NBEA: variants seen among roughly 807,000 people sequenced by gnomAD.
The protein encoded by NBEA is neurobeachin, also known as lysosomal-trafficking regulator 2.
In NBEA, 44 loss-of-function variants were observed where a neutral mutation model predicts 343.4. The observed-to-expected ratio is 0.13, with a 90% CI of 0.10 to 0.16. The LOEUF is 0.16. Among genes scored for constraint, NBEA ranks in the 10% least tolerant of loss-of-function variants. The pLI, the probability that NBEA is intolerant of heterozygous loss-of-function variation, is 1.00. For missense variants in NBEA, 2,555 were observed against 3,631.3 expected (o/e 0.70, Z 7.62); for synonymous variants, 1,175 against 1,238.7 (o/e 0.95, Z 1.08).
At chr13:35,173,319 G>T in intron 26 of NBEA, 145 bp from the exon 27 acceptor site, 1 of 666,136 alleles carries the variant, frequency 1.5e-6, no homozygotes, top group South Asian at 3.2e-5. Flanking sequence ...TCATAATTTT[G>T]AAAATTATTG....
chr13:35,101,349 T>C (rs2065638494), intron 11 of NBEA, among the ~76,000 whole-genome samples: 1 of 151,930 alleles, frequency 6.6e-6, no homozygotes, highest in South Asian at 2.1e-4. Flanking sequence ...CAACTCTTGT[T>C]TTGTATGTCT....
At chr13:35,334,327 TG>T (rs1324844637) in intron 36 of NBEA, among the ~76,000 whole-genome samples, 9 of 152,146 alleles carry the variant, frequency 5.9e-5, no homozygotes, top group African/African-American at 2.2e-4. Flanking sequence ...TGGAGTGCAA[TG>T]GCATGATCTT....
chr13:34,972,095 C>T, intron 1 of NBEA, among the ~76,000 whole-genome samples: 1 of 151,886 alleles, frequency 6.6e-6, no homozygotes, highest in East Asian at 1.9e-4. Context: ...GGAATTTATC[C>T]ATTTTTTTTC....
intron 49 of NBEA, among the ~76,000 whole-genome samples, chr13:35,639,251 GTTTAATATTTATAAAGCAAGAAACAA>G (rs531496875): frequency 6.6e-6 from 1 of 152,188 alleles, no homozygotes; most frequent in East Asian, 1.9e-4. Context: ...TTTTTATATA[GTTTAATATTTATAAAGCAAGAAACAA>G]CAAAGTGCAG....
chr13:35,608,927 T>C (rs1381054802), intron 48 of NBEA, among the ~76,000 whole-genome samples: 1 of 152,214 alleles, frequency 6.6e-6, no homozygotes. Context: ...AAGTTTTAAC[T>C]CCTAAGTTAT....
intron 36 of NBEA, among the ~76,000 whole-genome samples, chr13:35,344,928 A>C (rs933139893): frequency 6.6e-6 from 1 of 152,056 alleles, no homozygotes; most frequent in African/African-American, 2.4e-5. Flanking sequence ...AAGAGCAAAC[A>C]AGGAAAATCA....
chr13:35,527,341 G>A (rs931913949), intron 41 of NBEA, among the ~76,000 whole-genome samples: 9 of 152,238 alleles, frequency 5.9e-5, no homozygotes, highest in African/African-American at 9.6e-5. Flanking sequence ...CAAGCCTCCC[G>A]GCTTCAGGCC....
intron 58 of NBEA, among the ~76,000 whole-genome samples, chr13:35,670,234 T>A (rs2085546219): frequency 6.6e-6 from 1 of 152,034 alleles, no homozygotes. Flanking sequence ...GGAATATCCC[T>A]GAAAAAGAAG....
chr13:35,018,658 G>A (rs986933594), intron 1 of NBEA, among the ~76,000 whole-genome samples: 14 of 152,052 alleles, frequency 9.2e-5, no homozygotes, highest in Non-Finnish European at 1.3e-4. Flanking sequence ...AGGATTTTGC[G>A]TGTAGATGAT....
chr13:35,311,258 G>A (rs1250147657), intron 36 of NBEA, among the ~76,000 whole-genome samples: 1 of 151,706 alleles, frequency 6.6e-6, no homozygotes, highest in Non-Finnish European at 1.5e-5. Context: ...TGTCATTTAA[G>A]TTTTAGAAAT....
chr13:35,177,590 A>G (rs2070998875), intron 28 of NBEA, among the ~76,000 whole-genome samples: 2 of 151,870 alleles, frequency 1.3e-5, no homozygotes, highest in Non-Finnish European at 3.0e-5. Context: ...AGCTTAATAA[A>G]GCTAAAGGGA....
intron 17 of NBEA, among the ~76,000 whole-genome samples, chr13:35,128,562 A>C (rs1003441925): frequency 1.3e-5 from 2 of 152,130 alleles, no homozygotes; most frequent in Non-Finnish European, 2.9e-5. Context: ...TGCAGGACTT[A>C]TAGCTTGCTA....
chr13:35,142,282 A>G lies in NBEA; in HGVS notation c.2350A>G (p.Ile784Val). 6.2e-7 allele frequency: 1 copy of G among 1,610,686 alleles called. No individual in the cohort carries two copies. The highest frequency in any genetic ancestry group is 8.5e-7 in the Non-Finnish European group (1 of 1,178,004). Reference sequence around the variant, plus strand: ...CCTTCTCTCCAGGAGAAAAGTTGAAATTATGCACACCCATAGTCTTTTCAC... The same window carrying G: ...CCTTCTCTCCAGGAGAAAAGTTGAAGTTATGCACACCCATAGTCTTTTCAC... ...KHLGHKRKVE[I>V]MHTHSLFTLL... The change falls in exon 18 of 59, where the codon ATT becomes GTT. Residue 784 changes from isoleucine to valine, a missense_variant. By Grantham distance (29) the Ile-to-Val change is conservative (BLOSUM62 3). Around this residue, in one of 21 missense-constraint regions of NBEA, gnomAD observed 360 missense variants for 519.1 expected, o/e 0.69. Transcript: ENST00000379939.
chr13:35,287,234 T>C (rs2035484892), intron 34 of NBEA, among the ~76,000 whole-genome samples: 1 of 152,016 alleles, frequency 6.6e-6, no homozygotes, highest in Non-Finnish European at 1.5e-5. Context: ...AACATATATA[T>C]TTTCTGGTGA....
At chr13:35,493,610 T>C (rs1244850802) in intron 41 of NBEA, among the ~76,000 whole-genome samples, 1 of 151,964 alleles carries the variant, frequency 6.6e-6, no homozygotes, top group Non-Finnish European at 1.5e-5. Flanking sequence ...TAACTTTCTT[T>C]AGTTTCCCAG....
Position 35,159,286 on chromosome 13 carries a change from G to A in NBEA, c.3115G>A (p.Gly1039Arg), listed in dbSNP as rs750068881. The stretch of plus-strand genomic sequence containing the variant: ...AACAAAAGTGTCAGATGATATTCTT[G>A]GAAATTCAGATAGACCAGGAAGTGG... ...MSTKVSDDIL[G>R]NSDRPGSGVH... The change falls in exon 22 of 59, where the codon GGA becomes AGA. Residue 1039 changes from glycine to arginine, a missense_variant. By Grantham distance (125) the Gly-to-Arg change is moderately radical (BLOSUM62 -2). Coordinates refer to ENST00000379939, the MANE Select transcript of NBEA (RefSeq NM_001385012.1). 6.2e-7 allele frequency: 1 copy of A among 1,613,446 alleles called. No homozygotes were observed. Among genetic ancestry groups the A allele is most frequent in the South Asian group, 1.1e-5 (1 of 91,062 alleles).
At chr13:35,104,786 T>C (rs1290521386) in intron 11 of NBEA, among the ~76,000 whole-genome samples, 6 of 152,022 alleles carry the variant, frequency 3.9e-5, no homozygotes, top group East Asian at 1.9e-4. Context: ...GTGTTTTTGT[T>C]CTGTTTTGCC....
At chr13:35,198,152 A>G (rs1282045950) in intron 31 of NBEA, among the ~76,000 whole-genome samples, 1 of 152,066 alleles carries the variant, frequency 6.6e-6, no homozygotes, top group Non-Finnish European at 1.5e-5. Flanking sequence ...GGTGTTCCTT[A>G]TGATGTTTCA....
chr13:35,325,531 C>T lies in NBEA; in HGVS notation c.5903+15939C>T, dbSNP rs564937945. On this transcript the variant is annotated intron_variant, in intron 36 of 58. Transcript: ENST00000379939. ...TGAGATATCGTAATACTGATACCAA[C>T]GCCAGAAAAAGACATAACAAGAAAT... Among the ~76,000 whole-genome samples, 77 of 151,944 alleles carry T rather than the reference C, an allele frequency of 5.1e-4. No homozygotes were observed. In the South Asian group the frequency reaches 5.6e-3, roughly 11 times the overall value.
Sources: gnomAD v4.1 joint callset for allele counts (sites outside exome capture counted in the v4.1 genomes callset) on GRCh38, gnomAD v4.1.1 for gene constraint, gnomAD v4.1.1 regional missense constraint, MANE v1.5 for transcripts, NCBI Gene and HGNC (gene_info 2026-07-23, HGNC 2026-07-21) for gene names.